The following RBFOX2 variants were observed in gnomAD, a reference collection of about 807,000 sequenced individuals.
RBFOX2 encodes RNA binding fox-1 homolog 2.
A neutral mutation model predicts 49.1 loss-of-function variants in RBFOX2; 10 were observed. The ratio of observed to expected loss-of-function variants is 0.20; its 90% CI spans 0.13 to 0.35. The LOEUF (loss-of-function observed/expected upper bound fraction) is 0.35. Ranked by LOEUF, RBFOX2 falls within the 10% of genes least tolerant of loss-of-function variation. The pLI, the probability that RBFOX2 is intolerant of heterozygous loss-of-function variation, is 1.00. For missense variants in RBFOX2, 323 were observed against 486.9 expected, an observed-to-expected ratio of 0.66 and a Z score of 3.17; for synonymous variants, 183 against 187.4, an observed-to-expected ratio of 0.98 and a Z score of 0.19.
chr22:35,860,294 G>A (rs948879551), intron 1 of RBFOX2, among the ~76,000 whole-genome samples: 2 of 152,128 alleles, frequency 1.3e-5, no homozygotes, highest in African/African-American at 4.8e-5. Flanking sequence ...GAAGTGTGAA[G>A]GACGAGAGCA....
At position 35,866,800 on chromosome 22, in the gene RBFOX2, C is replaced by T. The variant is rs141067971; in HGVS notation, c.-33-56796G>A. Among the ~76,000 whole-genome samples the T allele has an allele frequency of 2.6e-3, 395 of 152,252 alleles. 4 individuals are homozygous for T. The highest frequency in any genetic ancestry group is 9.3e-3 in the African/African-American group (386 of 41,538). On this transcript the variant is annotated intron_variant, in intron 1 of 13. Transcript: ENST00000359369. ...AGAAAACATGCAGGCTGCCTTAATC[C>T]AGCCAAATACCACTTCACTCCCACT... is the stretch of plus-strand genomic sequence containing the variant.
At chr22:35,833,501 T>C (rs944186751) in intron 1 of RBFOX2, among the ~76,000 whole-genome samples, 8 of 152,174 alleles carry the variant, frequency 5.3e-5, no homozygotes, top group African/African-American at 1.9e-4. Context: ...GATCTCCAGT[T>C]TGAAACCTAT....
intron 1 of RBFOX2, among the ~76,000 whole-genome samples, chr22:35,983,407 G>A (rs2057553812): frequency 1.3e-5 from 2 of 152,126 alleles, no homozygotes; most frequent in African/African-American, 2.4e-5. Context: ...AAGTTTCTAA[G>A]ATTGTCTCAG....
chr22:35,788,172 T>C (rs1008527211), intron 2 of RBFOX2, among the ~76,000 whole-genome samples: 4 of 152,216 alleles, frequency 2.6e-5, no homozygotes, highest in Non-Finnish European at 5.9e-5. Context: ...GACTCTTCTA[T>C]GATACAATGG....
chr22:36,027,486 G>A (rs1472140396), intron 1 of RBFOX2, among the ~76,000 whole-genome samples: 1 of 152,124 alleles, frequency 6.6e-6, no homozygotes, highest in Non-Finnish European at 1.5e-5. Flanking sequence ...ATCCAGAATT[G>A]AGAATCCAGT....
chr22:35,770,912 C>T (rs961080605), intron 4 of RBFOX2, among the ~76,000 whole-genome samples: 3 of 152,006 alleles, frequency 2.0e-5, no homozygotes, highest in Admixed American at 6.6e-5. Flanking sequence ...AAAGGAAATG[C>T]GAATCAAGAT....
At chr22:35,868,743 A>G (rs1603427328) in intron 1 of RBFOX2, among the ~76,000 whole-genome samples, 2 of 152,228 alleles carry the variant, frequency 1.3e-5, no homozygotes, top group South Asian at 4.1e-4. Flanking sequence ...AAATACGTAC[A>G]CTGTTCTGGG....
At chr22:35,773,641 TTAA>T (rs768172148) in intron 4 of RBFOX2, among the ~76,000 whole-genome samples, 1 of 152,132 alleles carries the variant, frequency 6.6e-6, no homozygotes, top group Non-Finnish European at 1.5e-5. Flanking sequence ...TTTAGTAGAC[TTAA>T]TAATGAGCAC....
intron 1 of RBFOX2, among the ~76,000 whole-genome samples, chr22:35,987,230 T>C (rs2057762610): frequency 6.6e-6 from 1 of 152,190 alleles, no homozygotes; most frequent in Non-Finnish European, 1.5e-5. Flanking sequence ...AATGCCACAA[T>C]ACTAAAATTG....
At chr22:35,901,700 C>T (rs893339975) in intron 1 of RBFOX2, among the ~76,000 whole-genome samples, 2 of 152,114 alleles carry the variant, frequency 1.3e-5, no homozygotes, top group African/African-American at 4.8e-5. Flanking sequence ...TCAAAGCTAG[C>T]CTCTTGGGAA....
At chr22:35,967,275 T>C (rs1217139828) in intron 1 of RBFOX2, among the ~76,000 whole-genome samples, 1 of 152,136 alleles carries the variant, frequency 6.6e-6, no homozygotes, top group African/African-American at 2.4e-5. Flanking sequence ...TTTAGAAACT[T>C]TCATAAAGTA....
At chr22:35,942,691 T>G (rs959051947), upstream of RBFOX2, among the ~76,000 whole-genome samples, 1 of 146,688 alleles carries the variant, frequency 6.8e-6, no homozygotes, top group Non-Finnish European at 1.5e-5. Flanking sequence ...GAGTTTGAGA[T>G]AGCCTGGGCA....
upstream of RBFOX2, among the ~76,000 whole-genome samples, chr22:35,965,340 C>T (rs1420012768): frequency 2.6e-5 from 4 of 152,098 alleles, no homozygotes; most frequent in African/African-American, 9.7e-5. Flanking sequence ...AGATTTTCTA[C>T]CTAACCCAAA....
chr22:35,948,349 A>C (rs1306017142), intron 1 of RBFOX2, among the ~76,000 whole-genome samples: 6 of 152,180 alleles, frequency 3.9e-5, no homozygotes. Context: ...TGCATTTTAA[A>C]AAAATAAAAT....
Position 35,744,549 on chromosome 22 carries a change from C to T in RBFOX2, c.1050-300G>A, listed in dbSNP as rs62232586. ...ACAATACACAGTTGAAAACAAGTTC[C>T]GCAAAGAGTTTGATTTTTAAAAGCA... On this transcript the variant is annotated intron_variant, in intron 11 of 11. Coordinates refer to ENST00000405409, the Ensembl canonical transcript of RBFOX2. Among the ~76,000 whole-genome samples the T allele has an allele frequency of 0.22, 32,725 of 152,126 alleles. 5,317 individuals carry two copies. The highest frequency in any genetic ancestry group is 0.46 in the African/African-American group (18,952 of 41,460).
intron 1 of RBFOX2, among the ~76,000 whole-genome samples, chr22:35,928,290 T>C (rs566377474): frequency 2.0e-5 from 3 of 152,040 alleles, no homozygotes; most frequent in South Asian, 2.1e-4. Flanking sequence ...TGCAGAGAAA[T>C]TGCCACAAAA....
At chr22:35,903,013 C>A (rs1405329612) in intron 1 of RBFOX2, among the ~76,000 whole-genome samples, 1 of 152,046 alleles carries the variant, frequency 6.6e-6, no homozygotes, top group Non-Finnish European at 1.5e-5. Flanking sequence ...TATCTTCTTA[C>A]CACTAAATCT....
intron 1 of RBFOX2, among the ~76,000 whole-genome samples, chr22:35,831,502 T>C (rs1004788355): frequency 2.6e-5 from 4 of 152,216 alleles, no homozygotes; most frequent in African/African-American, 7.2e-5. Flanking sequence ...ACATATTACA[T>C]GGAACTTAAA....
At chr22:35,858,750 C>T (rs180919523) in intron 1 of RBFOX2, among the ~76,000 whole-genome samples, 5 of 148,176 alleles carry the variant, frequency 3.4e-5, no homozygotes, top group Admixed American at 2.1e-4. Flanking sequence ...CGCTTGAACC[C>T]GGGAGGCGGA....
Sources: allele counts gnomAD v4.1 joint callset (sites outside exome capture counted in the v4.1 genomes callset), GRCh38; gene constraint gnomAD v4.1.1; transcripts MANE v1.5; gene names NCBI Gene and HGNC (gene_info 2026-07-23, HGNC 2026-07-21).